BEND5: variants seen among roughly 807,000 people sequenced by gnomAD.
BEND5 encodes the protein BEN domain-containing protein 5.
BEND5 carries 22 observed loss-of-function variants against 43.9 expected under a neutral mutation model. That is an observed-to-expected ratio of 0.50 (90% CI 0.36 to 0.72). The LOEUF is 0.72. Ranked by LOEUF, BEND5 falls within the 30% of genes least tolerant of loss-of-function variation. The probability of loss-of-function intolerance (pLI) is 0.00; values close to 1 mark genes in which losing one functional copy is unlikely to be tolerated. For synonymous variants in BEND5, 228 were observed against 225.9 expected (o/e 1.01, Z -0.08); for missense variants, 428 against 550.6 (o/e 0.78, Z 2.23).
chr1:48,734,376 C>T (rs183203852), intron 5 of BEND5, among the ~76,000 whole-genome samples: 2 of 152,324 alleles, frequency 1.3e-5, no homozygotes, highest in East Asian at 3.9e-4. Context: ...TATTTCTCCA[C>T]CTCCACTGCT....
rs1323995205 is a variant in BEND5 at position 48,742,671 on chromosome 1, G to A, written c.846C>T (p.Tyr282=). 2 of 1,610,756 alleles carry A rather than the reference G, an allele frequency of 1.2e-6. No homozygotes were observed. The highest frequency in any genetic ancestry group is 1.3e-5 in the African/African-American group (1 of 74,844). Residue 282 remains tyrosine, a synonymous_variant, in exon 4 of 6, where the codon TAC becomes TAT. Coordinates refer to ENST00000371833, the MANE Select transcript of BEND5 (RefSeq NM_024603.4). ...TGTCCATGACAGGCGCAGGAGCGGG[G>A]TAATAGGACGACGTATTTGCTTCCT... ...FSEEANTSSY[Y]PAPAPVMDKY...
At chr1:48,776,559 C>T in intron 1 of BEND5, 47 bp downstream of exon 1, 1 of 1,333,900 alleles carries the variant, frequency 7.5e-7, no homozygotes, top group Non-Finnish European at 9.7e-7. Context: ...TCCCGGGGTC[C>T]CAGCCCCCGC....
intron 1 of BEND5, among the ~76,000 whole-genome samples, chr1:48,771,471 C>T (rs75880231): frequency 2.1e-4 from 32 of 152,294 alleles, no homozygotes; most frequent in African/African-American, 7.5e-4. Context: ...TACTATTTAG[C>T]TGTAAAAATT....
At chr1:48,770,382 C>T (rs559223170) in intron 1 of BEND5, among the ~76,000 whole-genome samples, 2 of 152,206 alleles carry the variant, frequency 1.3e-5, no homozygotes, top group Non-Finnish European at 2.9e-5. Context: ...GTTTCCAGGA[C>T]ACCTATCTCT....
chr1:48,727,795 T>C lies in BEND5; in HGVS notation c.*91A>G. On this transcript the variant is annotated 3_prime_UTR_variant, in exon 6 of 6. Coordinates refer to ENST00000371833, the MANE Select transcript of BEND5 (RefSeq NM_024603.4). ...ATGGATCCCTGCACACACACCACCATGCACGGTGGGGTCTGATTTGGACGG... is the reference window on the plus strand; with the variant it reads ...ATGGATCCCTGCACACACACCACCACGCACGGTGGGGTCTGATTTGGACGG... 1.6e-6 allele frequency: 2 copies of C among 1,280,706 alleles called. No homozygotes were observed. Among genetic ancestry groups the C allele is most frequent in the Non-Finnish European group, 2.2e-6 (2 of 904,068 alleles). The allele number at this position is 1,280,706 out of a possible 1,614,324, so 79.3% of individuals were successfully genotyped here.
rs746717048 is a variant in BEND5, at chr1:48,759,069, C to T, written c.576G>A (p.Gln192=). ...LYEELLRNYQ[Q]QQEEMRHLQQ... is the part of the protein sequence containing the mutation. Reference sequence around the variant, plus strand: ...GGAGGTGGCGCATCTCTTCCTGTTGCTGCTGGTAGTTGCGCAGCAGCTCCT... The same window carrying T: ...GGAGGTGGCGCATCTCTTCCTGTTGTTGCTGGTAGTTGCGCAGCAGCTCCT... Residue 192 remains glutamine, a synonymous_variant, in exon 3 of 6, where the codon CAG becomes CAA. Coordinates refer to ENST00000371833, the MANE Select transcript of BEND5 (RefSeq NM_024603.4). 3 of 1,613,200 alleles carry T rather than the reference C, an allele frequency of 1.9e-6. No homozygotes were observed. The highest frequency in any genetic ancestry group is 2.5e-6 in the Non-Finnish European group (3 of 1,179,622).
At chr1:48,768,970 G>A (rs930437794) in intron 1 of BEND5, among the ~76,000 whole-genome samples, 2 of 152,174 alleles carry the variant, frequency 1.3e-5, no homozygotes, top group Non-Finnish European at 2.9e-5. Flanking sequence ...ACAAAAAAAA[G>A]AGTGCCCTGC....
rs200866197 is a variant in BEND5 at position 48,756,047 on chromosome 1, G to A, written c.745+2853C>T. On this transcript the variant is annotated intron_variant, in intron 3 of 5. Transcript: ENST00000371833. ...CCCTGTCTTAGCTCCTCCATTACAT[G>A]ATGTTGAACAGGAGCTAACAGTAAT... 1.2e-4 allele frequency among the ~76,000 whole-genome samples: 18 copies of A among 152,304 alleles called. No homozygotes were observed. In the East Asian group the frequency reaches 3.3e-3, roughly 28 times the overall value.
chr1:48,776,877 G>C lies in BEND5; in HGVS notation c.-46C>G, dbSNP rs1570645162. The C allele has an allele frequency of 7.3e-7, 1 of 1,367,022 alleles. No homozygotes were observed. The allele number at this position is 1,367,022 out of a possible 1,614,324, so 84.7% of individuals were successfully genotyped here. A position where few individuals can be genotyped will look rare whatever the true frequency, so the allele number is the denominator to read the frequency against. ...CCCGGTCGGGCAGCTCAGCCCGCGG[G>C]GCGGGCGCGGAGGTGGGGATCCGGC... On this transcript the variant is annotated 5_prime_UTR_variant, in exon 1 of 6. Transcript: ENST00000371833.
rs1199293547 is a variant in BEND5, at chr1:48,776,700, C to T, written c.132G>A (p.Pro44=). The T allele has an allele frequency of 2.0e-6, 3 of 1,518,480 alleles. No individual in the cohort carries two copies. The highest frequency in any genetic ancestry group is 5.4e-5 in the East Asian group (2 of 36,756). 94.1% of individuals were successfully genotyped at this position (1,518,480 alleles called of 1,614,324 possible). A position where few individuals can be genotyped will look rare whatever the true frequency, so the allele number is the denominator to read the frequency against. The part of the protein sequence containing the change: ...NQKVYAVYRG[P]EELGAGPESP... The stretch of plus-strand genomic sequence containing the variant: ...TCTCGGGCCCGGCGCCCAATTCCTC[C>T]GGGCCCCGGTACACGGCGTACACCT... The change falls in exon 1 of 6, where the codon CCG becomes CCA. Residue 44 remains proline (P), a synonymous_variant. Coordinates refer to ENST00000371833, the MANE Select transcript of BEND5 (RefSeq NM_024603.4).
intron 1 of BEND5, among the ~76,000 whole-genome samples, chr1:48,776,222 G>A (rs1010724778): frequency 1.3e-5 from 2 of 152,126 alleles, no homozygotes; most frequent in African/African-American, 2.4e-5. Context: ...AAGAACAGAG[G>A]GAAGGAACTG....
intron 1 of BEND5, among the ~76,000 whole-genome samples, chr1:48,769,348 C>G (rs758252230): frequency 6.6e-6 from 1 of 152,026 alleles, no homozygotes; most frequent in Non-Finnish European, 1.5e-5. Context: ...GACTGGGGCA[C>G]AGAAAAAACT....
At chr1:48,730,747 G>A (rs1458424348) in intron 5 of BEND5, among the ~76,000 whole-genome samples, 2 of 152,180 alleles carry the variant, frequency 1.3e-5, no homozygotes, top group African/African-American at 2.4e-5. Context: ...CTCCCTCTGC[G>A]AGGGAGCATT....
chr1:48,753,780 G>C (rs979124746), intron 3 of BEND5, among the ~76,000 whole-genome samples: 7 of 152,120 alleles, frequency 4.6e-5, no homozygotes, highest in Non-Finnish European at 7.3e-5. Context: ...AAAATGTCAA[G>C]GTGCTTTAAA....
intron 5 of BEND5, among the ~76,000 whole-genome samples, chr1:48,734,493 T>C (rs1648690081): frequency 6.6e-6 from 1 of 152,168 alleles, no homozygotes; most frequent in South Asian, 2.1e-4. Context: ...CCATTGCCCT[T>C]TGACTCCAGC....
At chr1:48,752,285 G>T (rs539038423) in intron 3 of BEND5, among the ~76,000 whole-genome samples, 2 of 152,218 alleles carry the variant, frequency 1.3e-5, no homozygotes, top group Non-Finnish European at 2.9e-5. Context: ...AGATAAACAG[G>T]CCCCAAGAAG....
chr1:48,728,574 G>A (rs566168415), intron 5 of BEND5, among the ~76,000 whole-genome samples: 1 of 148,634 alleles, frequency 6.7e-6, no homozygotes, highest in Non-Finnish European at 1.5e-5. Flanking sequence ...GATGAGTAGT[G>A]TTCTATTGTA....
At chr1:48,742,912 G>T in intron 3 of BEND5, 141 bp from the exon 4 acceptor site, 1 of 754,842 alleles carries the variant, frequency 1.3e-6, no homozygotes, top group Non-Finnish European at 1.9e-6. Flanking sequence ...CTTAAACCCA[G>T]ACTCGAAAAT....
In BEND5 at chr1:48,760,256, G is replaced by C. The variant is rs141655629; in HGVS notation, c.361-972C>G. ...TACAGCTTCTACTGAGGGGCAGTGA[G>C]AGTTACAAGATCAAATGAATTCTTC... On this transcript the variant is annotated intron_variant, in intron 2 of 5. Coordinates refer to ENST00000371833, the MANE Select transcript of BEND5 (RefSeq NM_024603.4). 5.6e-4 allele frequency among the ~76,000 whole-genome samples: 86 copies of C among 152,324 alleles called. No individual in the cohort carries two copies. In the East Asian group the frequency reaches 0.016, roughly 28 times the overall value.
Sources: allele counts gnomAD v4.1 joint callset (sites outside exome capture counted in the v4.1 genomes callset), GRCh38; gene constraint gnomAD v4.1.1; transcripts MANE v1.5; gene names NCBI Gene and HGNC (gene_info 2026-07-23, HGNC 2026-07-21).